FBXO36: variants seen among roughly 807,000 people sequenced by gnomAD.
FBXO36 encodes the protein F-box only protein 36.
A neutral mutation model predicts 17.0 loss-of-function variants in FBXO36; 18 were observed. That is an observed-to-expected ratio of 1.06 (90% CI 0.73 to 1.57). FBXO36 has a LOEUF of 1.57. Among genes scored for constraint, FBXO36 ranks in the 40% most tolerant of loss-of-function variants. The pLI is 0.00. For missense variants in FBXO36, 229 were observed against 221.9 expected (o/e 1.03, Z -0.20); for synonymous variants, 83 against 85.3 (o/e 0.97, Z 0.15).
chr2:229,934,914 G>A (rs537525430), intron 1 of FBXO36, among the ~76,000 whole-genome samples: 2 of 152,284 alleles, frequency 1.3e-5, no homozygotes, highest in Non-Finnish European at 2.9e-5. Context: ...TGGGATTGTA[G>A]ACATGAGCCA....
chr2:229,943,939 T>A (rs1452290746), intron 1 of FBXO36, among the ~76,000 whole-genome samples: 1 of 152,120 alleles, frequency 6.6e-6, no homozygotes. Flanking sequence ...TTGCTGTTGT[T>A]GTGATAGTGA....
chr2:229,962,123 C>A (rs2077124479), intron 1 of FBXO36, among the ~76,000 whole-genome samples: 1 of 150,924 alleles, frequency 6.6e-6, no homozygotes, highest in Non-Finnish European at 1.5e-5. Context: ...GCAGAGGTTG[C>A]AGTGAGCCGA....
At chr2:229,987,773 AGTGTGC>A (rs1252879923) in intron 2 of FBXO36, among the ~76,000 whole-genome samples, 1 of 151,946 alleles carries the variant, frequency 6.6e-6, no homozygotes, top group Non-Finnish European at 1.5e-5. Context: ...TGGGACTACA[AGTGTGC>A]ACCACCACAC....
intron 3 of FBXO36, among the ~76,000 whole-genome samples, chr2:230,002,678 C>G (rs1057219246): frequency 6.6e-6 from 1 of 152,100 alleles, no homozygotes; most frequent in African/African-American, 2.4e-5. Flanking sequence ...GCCACCATGC[C>G]CGGCATTAAT....
chr2:230,011,576 C>G lies in FBXO36; in HGVS notation c.*692C>G, dbSNP rs1382188906. 2.7e-5 allele frequency: 4 copies of G among 150,310 alleles called. No individual in the cohort carries two copies. Among genetic ancestry groups the G allele is most frequent in the Non-Finnish European group, 4.4e-5 (3 of 67,788 alleles). The allele number at this position is 150,310 out of a possible 1,614,324, so 9.3% of individuals were successfully genotyped here. On this transcript the variant is annotated 3_prime_UTR_variant, in exon 4 of 4. Transcript: ENST00000283946. Reference sequence around the variant, plus strand: ...GACTACTTCACATTGTTAAATAAACCTATAAACATTTCTTTTCTTTTCTTT... The same window carrying G: ...GACTACTTCACATTGTTAAATAAACGTATAAACATTTCTTTTCTTTTCTTT...
chr2:229,981,916 C>T (rs2077242491), intron 2 of FBXO36, among the ~76,000 whole-genome samples: 1 of 152,052 alleles, frequency 6.6e-6, no homozygotes, highest in South Asian at 2.1e-4. Flanking sequence ...CCCCAAGAAG[C>T]TTCCAGTCAT....
At chr2:229,923,885 G>C (rs2076880301) in intron 1 of FBXO36, among the ~76,000 whole-genome samples, 1 of 113,504 alleles carries the variant, frequency 8.8e-6, no homozygotes. Flanking sequence ...ACGGAGTCTC[G>C]CTCTGTCGCC....
intron 2 of FBXO36, among the ~76,000 whole-genome samples, chr2:229,987,642 T>C (rs1345905721): frequency 1.3e-5 from 2 of 152,150 alleles, no homozygotes; most frequent in Non-Finnish European, 2.9e-5. Flanking sequence ...TTTTATTTTT[T>C]ATTTTTGAGA....
At chr2:229,995,336 ATAGT>A (rs901828550) in intron 2 of FBXO36, among the ~76,000 whole-genome samples, 3 of 152,132 alleles carry the variant, frequency 2.0e-5, no homozygotes, top group Non-Finnish European at 4.4e-5. Flanking sequence ...TACATCAAAC[ATAGT>A]TAGATAGGCC....
intron 1 of FBXO36, among the ~76,000 whole-genome samples, chr2:229,946,021 TAAA>T (rs879810897): frequency 1.6e-5 from 2 of 125,220 alleles, no homozygotes; most frequent in Non-Finnish European, 1.7e-5. Flanking sequence ...AAACTCCATC[TAAA>T]AAAAAAAAAA....
intron 1 of FBXO36, among the ~76,000 whole-genome samples, chr2:229,949,785 C>T (rs570874209): frequency 2.6e-4 from 39 of 152,100 alleles, no homozygotes; most frequent in Non-Finnish European, 4.0e-4. Context: ...ATTAGCCGGG[C>T]GTGGTGGCGG....
intron 2 of FBXO36, among the ~76,000 whole-genome samples, chr2:229,978,079 T>C (rs1577351691): frequency 6.6e-6 from 1 of 151,704 alleles, no homozygotes; most frequent in African/African-American, 2.4e-5. Flanking sequence ...GAGTGAGACC[T>C]GGTCTCCACA....
chr2:229,971,988 A>ATT (rs2077183027), intron 1 of FBXO36, among the ~76,000 whole-genome samples: 1 of 124,398 alleles, frequency 8.0e-6, no homozygotes, highest in African/African-American at 3.4e-5. Context: ...CAAGTATCCA[A>ATT]TTCTTTTTTT....
At chr2:229,922,715 A>G in intron 1 of FBXO36, 106 bp downstream of exon 1, 1 of 1,178,824 alleles carries the variant, frequency 8.5e-7, no homozygotes, top group African/African-American at 1.5e-5. Context: ...GCCCGCCGGA[A>G]GCGCCCAGTC....
At chr2:230,000,556 A>G (rs1418473509) in intron 3 of FBXO36, among the ~76,000 whole-genome samples, 1 of 151,904 alleles carries the variant, frequency 6.6e-6, no homozygotes, top group Non-Finnish European at 1.5e-5. Context: ...AAATGGAAGG[A>G]TTTGATAGGA....
intron 1 of FBXO36, among the ~76,000 whole-genome samples, chr2:229,966,974 T>G (rs2077156684): frequency 6.6e-6 from 1 of 152,336 alleles, no homozygotes; most frequent in Non-Finnish European, 1.5e-5. Flanking sequence ...CCTTGGGCAG[T>G]ATGGCCATTT....
intron 3 of FBXO36, among the ~76,000 whole-genome samples, chr2:230,006,809 C>T (rs949096766): frequency 2.0e-5 from 3 of 152,126 alleles, no homozygotes; most frequent in African/African-American, 7.2e-5. Flanking sequence ...GACCTGACGC[C>T]GTAGTATCGC....
intron 1 of FBXO36, among the ~76,000 whole-genome samples, chr2:229,940,171 C>A (rs1328780237): frequency 6.6e-6 from 1 of 151,986 alleles, no homozygotes; most frequent in African/African-American, 2.4e-5. Flanking sequence ...TAATTGTTCC[C>A]AATTAGTGGA....
At chr2:229,956,420 AG>A (rs1427430518) in intron 1 of FBXO36, among the ~76,000 whole-genome samples, 1 of 152,202 alleles carries the variant, frequency 6.6e-6, no homozygotes, top group Non-Finnish European at 1.5e-5. Context: ...ACAATAGAAA[AG>A]GGGCATCACA....
Sources: allele counts gnomAD v4.1 joint callset (sites outside exome capture counted in the v4.1 genomes callset), GRCh38; gene constraint gnomAD v4.1.1; transcripts MANE v1.5; gene names NCBI Gene and HGNC (gene_info 2026-07-23, HGNC 2026-07-21).